The following SESN2 variants were observed in gnomAD, a reference collection of about 807,000 sequenced individuals.
SESN2 encodes the protein sestrin 2.
In SESN2, 42 loss-of-function variants were observed where a neutral mutation model predicts 56.0. The observed-to-expected ratio is 0.75, with a 90% confidence interval of 0.59 to 0.97. The LOEUF (loss-of-function observed/expected upper bound fraction) is 0.97, where lower values mean the gene tolerates loss of function less well. Ranked by LOEUF, SESN2 falls within the 50% of genes least tolerant of loss-of-function variation. The pLI is 0.00. For synonymous variants in SESN2, 264 were observed against 267.1 expected, an observed-to-expected ratio of 0.99 and a Z score of 0.11; for missense variants, 507 against 649.4, an observed-to-expected ratio of 0.78 and a Z score of 2.38.
At position 28,264,458 on chromosome 1, in the gene SESN2, T is replaced by C. The variant is rs1647489961; in HGVS notation, c.90+4521T>C. On this transcript the variant is annotated intron_variant, in intron 1 of 9. Coordinates refer to ENST00000253063, the MANE Select transcript of SESN2 (RefSeq NM_031459.5). ...TAACTTTAGTGTTCCTGTTGCCCCATGTGATCTGTTTAGTTGAAATTATAA... is the reference window on the plus strand; with the variant it reads ...TAACTTTAGTGTTCCTGTTGCCCCACGTGATCTGTTTAGTTGAAATTATAA... Among the ~76,000 whole-genome samples the C allele has an allele frequency of 2.6e-5, 4 of 152,348 alleles. No homozygotes were observed. The South Asian group carries it at 6.2e-4, about 24-fold the overall frequency.
At chr1:28,279,582 G>A (rs574245047) in intron 9 of SESN2, among the ~76,000 whole-genome samples, 2 of 150,468 alleles carry the variant, frequency 1.3e-5, no homozygotes, top group Non-Finnish European at 1.5e-5. Flanking sequence ...GTCTCCCTTT[G>A]TTGCCCAGGC....
chr1:28,273,917 A>G lies in SESN2; in HGVS notation c.902-123A>G, dbSNP rs1200792141. The G allele has an allele frequency of 4.2e-6, 3 of 713,454 alleles. No homozygotes were observed. In the East Asian group the frequency reaches 7.5e-5, roughly 18 times the overall value. 44.2% of individuals were successfully genotyped at this position (713,454 alleles called of 1,614,324 possible). On this transcript the variant is annotated intron_variant, in intron 6 of 9. Transcript: ENST00000253063. ...CAGCTGAAATCTTGCCCCACTCACT[A>G]TAGCAAGGGGCTTTTTTTGGCCCTC...
intron 2 of SESN2, among the ~76,000 whole-genome samples, chr1:28,269,966 A>G (rs1225032613): frequency 6.6e-6 from 1 of 152,222 alleles, no homozygotes; most frequent in African/African-American, 2.4e-5. Context: ...CTTACATTCT[A>G]GTGTGTTGGG....
chr1:28,261,554 T>C (rs187077703), intron 1 of SESN2, among the ~76,000 whole-genome samples: 1 of 152,314 alleles, frequency 6.6e-6, no homozygotes, highest in East Asian at 1.9e-4. Flanking sequence ...AACTGCGTGA[T>C]ACTTGCTTGC....
Position 28,281,164 on chromosome 1 carries a change from G to A in SESN2, c.*362G>A, listed in dbSNP as rs1009359325. On this transcript the variant is annotated 3_prime_UTR_variant, in exon 10 of 10. Transcript: ENST00000253063. ...TTCCTGAACTGGGAAGTCCCTGGCT[G>A]GCCCCCGGGGGAGAGGGGCAAATGC... The A allele has an allele frequency of 1.0e-5, 2 of 190,898 alleles. No individual in the cohort carries two copies. The highest frequency in any genetic ancestry group is 4.7e-5 in the African/African-American group (2 of 42,826). The allele number at this position is 190,898 out of a possible 1,614,324, so 11.8% of individuals were successfully genotyped here.
chr1:28,268,374 C>T, intron 1 of SESN2, among the ~76,000 whole-genome samples: 1 of 151,992 alleles, frequency 6.6e-6, no homozygotes, highest in Non-Finnish European at 1.5e-5. Context: ...GACTGCACCA[C>T]TAAAGAAGAG....
intron 1 of SESN2, among the ~76,000 whole-genome samples, chr1:28,267,327 C>T (rs930162434): frequency 6.6e-6 from 1 of 152,208 alleles, no homozygotes; most frequent in Non-Finnish European, 1.5e-5. Flanking sequence ...GCTACTTTAC[C>T]TACCAGTTTA....
chr1:28,270,350 C>CA lies in SESN2; in HGVS notation c.156+1119dup, dbSNP rs1166312841. Among the ~76,000 whole-genome samples the CA allele has an allele frequency of 9.2e-3, 909 of 99,060 alleles. 3 individuals are homozygous for CA. Among genetic ancestry groups the CA allele is most frequent in the Middle Eastern group, 0.07 (10 of 142 alleles). The allele number at this position is 99,060 out of a possible 152,430, so 65.0% of individuals were successfully genotyped here. A position where few individuals can be genotyped will look rare whatever the true frequency, so the allele number is the denominator to read the frequency against. ...TGCGTGACAGAGTGAGACTCCGTCT[C>CA]AAAAAAAAAAAAAAAAATTTGTTTC... On this transcript the variant is annotated intron_variant, in intron 2 of 9. Coordinates refer to ENST00000253063, the MANE Select transcript of SESN2 (RefSeq NM_031459.5).
At chr1:28,264,405 C>T (rs1016228328) in intron 1 of SESN2, among the ~76,000 whole-genome samples, 10 of 152,140 alleles carry the variant, frequency 6.6e-5, no homozygotes, top group African/African-American at 2.4e-4. Flanking sequence ...GTGTGAAGAC[C>T]TTCATGTTGA....
chr1:28,276,699 C>T (rs1648059288), intron 8 of SESN2, among the ~76,000 whole-genome samples: 1 of 147,236 alleles, frequency 6.8e-6, no homozygotes, highest in African/African-American at 2.5e-5. Context: ...CCCGCCTCAG[C>T]CGTCCGAATA....
chr1:28,273,569 G>A, intron 6 of SESN2, 61 bp downstream of exon 6: 2 of 1,423,114 alleles, frequency 1.4e-6, no homozygotes, highest in Non-Finnish European at 1.9e-6. Flanking sequence ...TCTCTGGTGA[G>A]GAGGAGCCAC....
chr1:28,273,913 C>T lies in SESN2; in HGVS notation c.902-127C>T, dbSNP rs1414659266. ...GCTCCAGCTGAAATCTTGCCCCACT[C>T]ACTATAGCAAGGGGCTTTTTTTGGC... On this transcript the variant is annotated intron_variant, in intron 6 of 9. Coordinates refer to ENST00000253063, the MANE Select transcript of SESN2 (RefSeq NM_031459.5). 6 of 697,132 alleles carry T rather than the reference C, an allele frequency of 8.6e-6. No individual in the cohort carries two copies. In the East Asian group the frequency reaches 1.5e-4, roughly 17 times the overall value. 43.2% of individuals were successfully genotyped at this position (697,132 alleles called of 1,614,324 possible).
chr1:28,274,881 T>A lies in SESN2; in HGVS notation c.1077T>A (p.Gly359=). ...YSLIQRLYPE[G]GQLLDEKFQA... ...TGATCCAGCGGCTTTACCCTGAGGG[T>A]GGGCAGCTGCTGGATGAGAAGTTCC... The change falls in exon 8 of 10, where the codon GGT becomes GGA. Residue 359 remains glycine (G), a synonymous_variant. Transcript: ENST00000253063. The A allele has an allele frequency of 6.2e-7, 1 of 1,614,162 alleles. No individual in the cohort carries two copies. Among genetic ancestry groups the A allele is most frequent in the Non-Finnish European group, 8.5e-7 (1 of 1,179,998 alleles).
At chr1:28,273,623 G>A (rs1647881204) in intron 6 of SESN2, 115 bp downstream of exon 6, 2 of 1,057,690 alleles carry the variant, frequency 1.9e-6, no homozygotes, top group Non-Finnish European at 2.7e-6. Context: ...TCCCGTCCAA[G>A]AGGTTCTGAG....
chr1:28,273,800 C>T (rs1194145963), intron 6 of SESN2, among the ~76,000 whole-genome samples: 2 of 152,120 alleles, frequency 1.3e-5, no homozygotes, highest in Non-Finnish European at 2.9e-5. Context: ...CAGGGGGAAC[C>T]GCTCCATAAA....
At chr1:28,270,324 T>C (rs1647717871) in intron 2 of SESN2, among the ~76,000 whole-genome samples, 1 of 151,680 alleles carries the variant, frequency 6.6e-6, no homozygotes, top group South Asian at 2.1e-4. Flanking sequence ...GCACTCCAGC[T>C]TGCGTGACAG....
In SESN2 at chr1:28,279,313, C is replaced by A. The variant is rs1010363351; in HGVS notation, c.1356+72C>A. The A allele has an allele frequency of 3.9e-6, 6 of 1,531,818 alleles. No homozygotes were observed. The African/African-American group carries it at 6.8e-5, about 17-fold the overall frequency. The allele number at this position is 1,531,818 out of a possible 1,614,324, so 94.9% of individuals were successfully genotyped here. A position where few individuals can be genotyped will look rare whatever the true frequency, so the allele number is the denominator to read the frequency against. ...CAGTGGAGAGGGCAAGGGGTTAGGACCCAGTGAGAGTCCCCAGACTGAGTC... is the reference window on the plus strand; with the variant it reads ...CAGTGGAGAGGGCAAGGGGTTAGGAACCAGTGAGAGTCCCCAGACTGAGTC... On this transcript the variant is annotated intron_variant, in intron 9 of 9. Coordinates refer to ENST00000253063, the MANE Select transcript of SESN2 (RefSeq NM_031459.5).
chr1:28,262,694 C>T (rs1485968135), intron 1 of SESN2, among the ~76,000 whole-genome samples: 5 of 149,354 alleles, frequency 3.3e-5, no homozygotes, highest in African/African-American at 7.5e-5. Context: ...TTTGGGAGGC[C>T]GAGGTAGGTG....
At chr1:28,260,859 A>G (rs1236107068) in intron 1 of SESN2, among the ~76,000 whole-genome samples, 1 of 152,080 alleles carries the variant, frequency 6.6e-6, no homozygotes, top group Non-Finnish European at 1.5e-5. Flanking sequence ...TGCACCTACT[A>G]GATACCAGGC....
Sources: gnomAD v4.1 joint callset for allele counts (sites outside exome capture counted in the v4.1 genomes callset) on GRCh38, gnomAD v4.1.1 for gene constraint, MANE v1.5 for transcripts, NCBI Gene and HGNC (gene_info 2026-07-23, HGNC 2026-07-21) for gene names.